ZSWIM5: variants seen among roughly 807,000 people sequenced by gnomAD.
ZSWIM5 encodes the protein zinc finger SWIM domain-containing protein 5.
Under a neutral mutation model 119.6 loss-of-function variants are expected in ZSWIM5, and 55 were observed. That is an observed-to-expected ratio of 0.46 (90% CI 0.37 to 0.58). The LOEUF (loss-of-function observed/expected upper bound fraction) is 0.58, where lower values mean the gene tolerates loss of function less well. Among genes scored for constraint, ZSWIM5 ranks in the 20% least tolerant of loss-of-function variants. The pLI, the probability that ZSWIM5 is intolerant of heterozygous loss-of-function variation, is 0.00. For missense variants in ZSWIM5, 1,193 were observed against 1,512.8 expected (o/e 0.79, Z 3.51); for synonymous variants, 537 against 606.9 (o/e 0.88, Z 1.69).
At chr1:45,089,798 C>A (rs1235807693) in intron 1 of ZSWIM5, among the ~76,000 whole-genome samples, 3 of 152,026 alleles carry the variant, frequency 2.0e-5, no homozygotes, top group African/African-American at 7.2e-5. Flanking sequence ...CACAGTGAGA[C>A]CCTGTCTCTA....
intron 1 of ZSWIM5, among the ~76,000 whole-genome samples, chr1:45,159,702 C>A (rs1268784383): frequency 1.3e-5 from 2 of 152,034 alleles, no homozygotes; most frequent in Non-Finnish European, 2.9e-5. Context: ...GCTTCTCCTG[C>A]CTCAGCCTCC....
chr1:45,134,052 C>T (rs1056948967), intron 1 of ZSWIM5, among the ~76,000 whole-genome samples: 5 of 152,116 alleles, frequency 3.3e-5, no homozygotes, highest in Non-Finnish European at 7.4e-5. Flanking sequence ...CATGATGCCT[C>T]CAGCTTTGTT....
rs956670891 is a variant in ZSWIM5 at position 45,051,332 on chromosome 1, T to C, written c.1253-79A>G. 8.7e-6 allele frequency: 12 copies of C among 1,379,378 alleles called. No homozygotes were observed. The African/African-American group carries it at 1.8e-4, about 20-fold the overall frequency. 85.4% of individuals were successfully genotyped at this position (1,379,378 alleles called of 1,614,324 possible). On this transcript the variant is annotated intron_variant, in intron 4 of 13. Transcript: ENST00000359600. ...AGCCTTAATGTTTCAGTTTCATTTT[T>C]AGATGGTAGAGAAAGTTTCCAAAGC...
intron 3 of ZSWIM5, 82 bp from the exon 4 acceptor site, chr1:45,058,841 T>C (rs1645137762): frequency 1.3e-6 from 2 of 1,509,200 alleles, no homozygotes; most frequent in Non-Finnish European, 1.8e-6. Flanking sequence ...GAGGGGGAAG[T>C]GAAGATGAAG....
At chr1:45,027,080 A>T (rs1229742557) in intron 11 of ZSWIM5, among the ~76,000 whole-genome samples, 7 of 150,230 alleles carry the variant, frequency 4.7e-5, no homozygotes, top group Non-Finnish European at 1.0e-4. Context: ...TTCATTTATG[A>T]TATGAGTAAT....
intron 1 of ZSWIM5, among the ~76,000 whole-genome samples, chr1:45,150,471 G>A (rs745922189): frequency 6.6e-6 from 1 of 152,072 alleles, no homozygotes; most frequent in Non-Finnish European, 1.5e-5. Flanking sequence ...CCATATGACC[G>A]AGCATGCTGA....
At chr1:45,094,554 C>T (rs1048886453) in intron 1 of ZSWIM5, among the ~76,000 whole-genome samples, 8 of 151,878 alleles carry the variant, frequency 5.3e-5, no homozygotes, top group African/African-American at 1.9e-4. Flanking sequence ...GCCAGCCTGG[C>T]TATCAAACAA....
chr1:45,097,897 A>G (rs1645412849), intron 1 of ZSWIM5, among the ~76,000 whole-genome samples: 1 of 146,114 alleles, frequency 6.8e-6, no homozygotes, highest in Non-Finnish European at 1.5e-5. Context: ...AGTACTATAA[A>G]GAAGTAGTAT....
At chr1:45,107,960 C>A (rs189366757) in intron 1 of ZSWIM5, among the ~76,000 whole-genome samples, 4 of 152,212 alleles carry the variant, frequency 2.6e-5, no homozygotes, top group African/African-American at 9.6e-5. Context: ...CCATGTCCAG[C>A]TAATGTTTTA....
intron 1 of ZSWIM5, among the ~76,000 whole-genome samples, chr1:45,178,481 T>C (rs1056004082): frequency 6.6e-6 from 1 of 152,160 alleles, no homozygotes; most frequent in Admixed American, 6.6e-5. Context: ...GGTGGTCAGA[T>C]TCTACTTTGA....
chr1:45,140,971 G>A (rs1407934202), intron 1 of ZSWIM5, among the ~76,000 whole-genome samples: 2 of 152,092 alleles, frequency 1.3e-5, no homozygotes, highest in Non-Finnish European at 2.9e-5. Context: ...GTGAGTATTG[G>A]GGTGCATACA....
chr1:45,122,089 T>C (rs1002258749), intron 1 of ZSWIM5, among the ~76,000 whole-genome samples: 1 of 152,218 alleles, frequency 6.6e-6, no homozygotes, highest in Non-Finnish European at 1.5e-5. Context: ...TCTGTCTTAC[T>C]CATTAACTTA....
At chr1:45,037,239 T>C (rs989417607) in intron 8 of ZSWIM5, among the ~76,000 whole-genome samples, 6 of 151,038 alleles carry the variant, frequency 4.0e-5, no homozygotes, top group Admixed American at 6.6e-5. Flanking sequence ...GCCTCCTGAG[T>C]AGCTGGGATT....
At chr1:45,140,147 C>T (rs1645717634) in intron 1 of ZSWIM5, among the ~76,000 whole-genome samples, 1 of 152,116 alleles carries the variant, frequency 6.6e-6, no homozygotes, top group Non-Finnish European at 1.5e-5. Context: ...TACAATATCA[C>T]TTGAAAGTAG....
intron 1 of ZSWIM5, among the ~76,000 whole-genome samples, chr1:45,192,091 A>G (rs1646096145): frequency 6.6e-6 from 1 of 152,220 alleles, no homozygotes; most frequent in Non-Finnish European, 1.5e-5. Flanking sequence ...GACATTTTGT[A>G]TAAATAAAAT....
chr1:45,031,449 G>A (rs925836523), intron 11 of ZSWIM5, among the ~76,000 whole-genome samples: 2 of 151,734 alleles, frequency 1.3e-5, no homozygotes, highest in African/African-American at 4.8e-5. Context: ...CTCCCGAAGT[G>A]CTGGGATTAC....
intron 2 of ZSWIM5, among the ~76,000 whole-genome samples, chr1:45,083,024 G>A (rs1557759873): frequency 6.6e-6 from 1 of 152,140 alleles, no homozygotes; most frequent in African/African-American, 2.4e-5. Flanking sequence ...TCTTCTCTCT[G>A]GTGCTACAGG....
intron 1 of ZSWIM5, among the ~76,000 whole-genome samples, chr1:45,110,844 G>A (rs1401756995): frequency 6.6e-6 from 1 of 152,034 alleles, no homozygotes; most frequent in African/African-American, 2.4e-5. Flanking sequence ...CTTAATTTCT[G>A]TACCCTGATG....
chr1:45,189,320 AAAT>A (rs578114661), intron 1 of ZSWIM5, among the ~76,000 whole-genome samples: 26 of 151,564 alleles, frequency 1.7e-4, no homozygotes, highest in East Asian at 7.7e-4. Context: ...GTCTCAAAGA[AAAT>A]AATAATAATA....
Sources: allele counts gnomAD v4.1 joint callset (sites outside exome capture counted in the v4.1 genomes callset), GRCh38; gene constraint gnomAD v4.1.1; transcripts MANE v1.5; gene names NCBI Gene and HGNC (gene_info 2026-07-23, HGNC 2026-07-21).